The following PRPF4 variants were observed in gnomAD, a reference collection of about 807,000 sequenced individuals.
PRPF4 encodes pre-mRNA splicing tri-snRNP complex factor PRPF4.
A neutral mutation model predicts 72.2 loss-of-function variants in PRPF4; 14 were observed. The ratio of observed to expected loss-of-function variants is 0.19; its 90% CI spans 0.13 to 0.30. The LOEUF (loss-of-function observed/expected upper bound fraction) is 0.30, where lower values mean the gene tolerates loss of function less well. Among genes scored for constraint, PRPF4 ranks in the 10% least tolerant of loss-of-function variants. The pLI, the probability that PRPF4 is intolerant of heterozygous loss-of-function variation, is 1.00. For missense variants in PRPF4, 478 were observed against 653.9 expected (o/e 0.73, Z 2.93); for synonymous variants, 225 against 232.2 (o/e 0.97, Z 0.28).
chr9:113,279,083 G>A lies in PRPF4; in HGVS notation c.344G>A (p.Gly115Glu). 6.2e-7 allele frequency: 1 copy of A among 1,614,144 alleles called. No homozygotes were observed. Among genetic ancestry groups the A allele is most frequent in the Non-Finnish European group, 8.5e-7 (1 of 1,180,020 alleles). ...GTCAAAGCTTGCCTTAGAGCCTTGG[G>A]GGAACCCATCACACTTTTTGGAGAG... Reference protein sequence around the residue: ...SEVKACLRALGEPITLFGEGP... With the variant: ...SEVKACLRALEEPITLFGEGP... The change falls in exon 3 of 14, where the codon GGG becomes GAG. Residue 115 changes from glycine to glutamate, a missense_variant. By Grantham distance (98) the Gly-to-Glu change is moderately conservative (BLOSUM62 -2). Coordinates refer to ENST00000374198, the MANE Select transcript of PRPF4 (RefSeq NM_001244926.2).
At position 113,286,823 on chromosome 9, in the gene PRPF4, C is replaced by T. The variant is rs960965751; in HGVS notation, c.927C>T (p.Leu309=). 8.7e-6 allele frequency: 14 copies of T among 1,613,990 alleles called. No homozygotes were observed. Among genetic ancestry groups the T allele is most frequent in the Admixed American group, 3.3e-5 (2 of 59,980 alleles). ...AADGSVKLWS[L]DSDEPVADIE... ...ATGGCTCTGTGAAGCTTTGGAGTCTCGACAGGTGAATATCACTGTTCTGTG... is the reference window on the plus strand; with the variant it reads ...ATGGCTCTGTGAAGCTTTGGAGTCTTGACAGGTGAATATCACTGTTCTGTG... The change falls in exon 9 of 14, where the codon CTC becomes CTT. Residue 309 remains leucine, a synonymous_variant. Coordinates refer to ENST00000374198, the MANE Select transcript of PRPF4 (RefSeq NM_001244926.2).
At chr9:113,285,133 C>G (rs1396435480) in intron 7 of PRPF4, among the ~76,000 whole-genome samples, 3 of 151,490 alleles carry the variant, frequency 2.0e-5, no homozygotes, top group African/African-American at 7.3e-5. Flanking sequence ...CTTCACAGGT[C>G]TGTTAGAAAG....
rs372355735 is a variant in PRPF4, at chr9:113,275,818, G to A, written c.27+48G>A. Reference sequence around the variant, plus strand: ...TCACTCTGGCAGGGAGCGCTAAGGGGGAAGGGGATCTCTGCGGGAAGGGGC... The same window carrying A: ...TCACTCTGGCAGGGAGCGCTAAGGGAGAAGGGGATCTCTGCGGGAAGGGGC... On this transcript the variant is annotated intron_variant, in intron 1 of 13. Coordinates refer to ENST00000374198, the MANE Select transcript of PRPF4 (RefSeq NM_001244926.2). 3.1e-6 allele frequency: 5 copies of A among 1,605,838 alleles called. No homozygotes were observed. The African/African-American group carries it at 6.7e-5, about 22-fold the overall frequency.
intron 10 of PRPF4, among the ~76,000 whole-genome samples, chr9:113,289,053 C>T (rs1203234281): frequency 6.6e-6 from 1 of 152,190 alleles, no homozygotes; most frequent in Non-Finnish European, 1.5e-5. Flanking sequence ...AGCCAACTCC[C>T]CCTTCTAAAG....
At chr9:113,287,965 A>G (rs1438849157) in intron 9 of PRPF4, among the ~76,000 whole-genome samples, 2 of 152,198 alleles carry the variant, frequency 1.3e-5, no homozygotes, top group Non-Finnish European at 2.9e-5. Context: ...GTGTCCTTAT[A>G]TCTCTTCCAA....
At chr9:113,291,439 A>G in intron 13 of PRPF4, 28 bp from the exon 14 acceptor site, 1 of 1,573,918 alleles carries the variant, frequency 6.4e-7, no homozygotes, top group Non-Finnish European at 8.7e-7. Context: ...TGAATTCCTC[A>G]AGCAATTCCC....
chr9:113,285,477 C>G (rs1588015621), intron 7 of PRPF4, among the ~76,000 whole-genome samples: 1 of 146,016 alleles, frequency 6.8e-6, no homozygotes, highest in South Asian at 2.2e-4. Context: ...CTCCTGGGTT[C>G]ACGCCATTCT....
chr9:113,286,943 C>G, intron 9 of PRPF4, 115 bp downstream of exon 9: 1 of 1,449,324 alleles, frequency 6.9e-7, no homozygotes, highest in Non-Finnish European at 9.5e-7. Flanking sequence ...GTGGCTCACA[C>G]CTTAAGGCTG....
rs756596384 is a variant in PRPF4, at chr9:113,286,705, G to T, written c.809G>T (p.Gly270Val). 1.2e-6 allele frequency: 2 copies of T among 1,614,012 alleles called. No homozygotes were observed. Among genetic ancestry groups the T allele is most frequent in the South Asian group, 2.2e-5 (2 of 91,070 alleles). The change falls in exon 9 of 14, where the codon GGG becomes GTG. Residue 270 changes from glycine to valine, a missense_variant and splice_region_variant. Physicochemically the swap from Gly to Val is moderately radical, Grantham distance 109. Transcript: ENST00000374198. ...PDCNLLHTLR[G>V]HNTNVGAIVF... ...ACTTGCATCTCTTACACTCCTTTAG[G>T]GCATAACACAAATGTAGGAGCAATT...
chr9:113,283,013 T>G, intron 4 of PRPF4, 119 bp from the exon 5 acceptor site: 1 of 1,536,890 alleles, frequency 6.5e-7, no homozygotes, highest in African/African-American at 1.4e-5. Context: ...TCTGCCTGAT[T>G]TCATCCTATT....
intron 10 of PRPF4, among the ~76,000 whole-genome samples, chr9:113,289,040 T>C (rs912015184): frequency 1.3e-5 from 2 of 152,228 alleles, no homozygotes; most frequent in African/African-American, 2.4e-5. Context: ...CATGCCCTTT[T>C]CCAGCCAACT....
At chr9:113,275,823 G>A in intron 1 of PRPF4, 53 bp downstream of exon 1, 1 of 1,604,660 alleles carries the variant, frequency 6.2e-7, no homozygotes, top group Non-Finnish European at 8.5e-7. Flanking sequence ...AAGGGGGAAG[G>A]GGATCTCTGC....
intron 9 of PRPF4, 48 bp downstream of exon 9, chr9:113,286,876 G>T (rs1382646853): frequency 1.2e-6 from 2 of 1,612,606 alleles, no homozygotes. Flanking sequence ...TAAAGTAGAT[G>T]TTTGATTGGT....
chr9:113,288,051 T>A, intron 9 of PRPF4, 124 bp from the exon 10 acceptor site: 2 of 822,280 alleles, frequency 2.4e-6, no homozygotes. Context: ...CAAAGTAGTT[T>A]ACAAGTGTAG....
rs911613036 is a variant in PRPF4, at chr9:113,277,967, C to T, written c.206-978C>T. ...CTGCACTCCAGCCTGAACAACAGAG[C>T]GAGACCCTGTCTCAAAAAAAAAAGT... On this transcript the variant is annotated intron_variant, in intron 2 of 13. Coordinates refer to ENST00000374198, the MANE Select transcript of PRPF4 (RefSeq NM_001244926.2). Among the ~76,000 whole-genome samples the T allele has an allele frequency of 3.3e-5, 5 of 152,020 alleles. No homozygotes were observed. The East Asian group carries it at 5.8e-4, about 18-fold the overall frequency.
intron 6 of PRPF4, 150 bp downstream of exon 6, chr9:113,283,632 A>T (rs1218290271): frequency 1.8e-5 from 13 of 731,092 alleles, no homozygotes; most frequent in Non-Finnish European, 2.4e-5. Flanking sequence ...AGGAGCCATC[A>T]GTTAATGTGG....
rs1405559974 is a variant in PRPF4 at position 113,291,030 on chromosome 9, C to G, written c.1372+14C>G. The stretch of plus-strand genomic sequence containing the variant: ...TCAAGTTTGAGCGTAAGCTTTCCTC[C>G]TATTTTACGTCTAAATGACACAGAC... On this transcript the variant is annotated intron_variant, in intron 13 of 13. Coordinates refer to ENST00000374198, the MANE Select transcript of PRPF4 (RefSeq NM_001244926.2). 3.1e-6 allele frequency: 5 copies of G among 1,598,638 alleles called. No individual in the cohort carries two copies. The highest frequency in any genetic ancestry group is 4.3e-6 in the Non-Finnish European group (5 of 1,166,040).
chr9:113,288,963 C>T (rs1341753997), intron 10 of PRPF4, among the ~76,000 whole-genome samples: 2 of 152,128 alleles, frequency 1.3e-5, no homozygotes, highest in African/African-American at 2.4e-5. Flanking sequence ...TTTACAAACG[C>T]GTACCATTCC....
chr9:113,284,430 A>C, intron 7 of PRPF4, 41 bp downstream of exon 7: 1 of 1,507,856 alleles, frequency 6.6e-7, no homozygotes, highest in Non-Finnish European at 9.2e-7. Context: ...CTAAATGGGG[A>C]ACAGGCTCAG....
Sources: allele counts gnomAD v4.1 joint callset (sites outside exome capture counted in the v4.1 genomes callset), GRCh38; gene constraint gnomAD v4.1.1; transcripts MANE v1.5; gene names NCBI Gene and HGNC (gene_info 2026-07-23, HGNC 2026-07-21).